Variants in DIAPH3 observed in about 807,000 individuals in gnomAD.
DIAPH3 encodes the protein protein diaphanous homolog 3.
DIAPH3 carries 117 observed loss-of-function variants against 144.3 expected under a neutral mutation model. That is an observed-to-expected ratio of 0.81 (90% CI 0.70 to 0.95). The LOEUF (loss-of-function observed/expected upper bound fraction) is 0.95. Among genes scored for constraint, DIAPH3 ranks in the 40% least tolerant of loss-of-function variants. DIAPH3 has a pLI of 0.00. For missense variants in DIAPH3, 1,421 were observed against 1,412.7 expected, an observed-to-expected ratio of 1.01 and a Z score of -0.09; for synonymous variants, 519 against 488.9, an observed-to-expected ratio of 1.06 and a Z score of -0.81.
intron 27 of DIAPH3, among the ~76,000 whole-genome samples, chr13:59,674,009 A>G (rs1367163786): frequency 6.6e-6 from 1 of 152,194 alleles, no homozygotes; most frequent in Non-Finnish European, 1.5e-5. Context: ...GAAGCACTGA[A>G]TTTGTAGCCA....
intron 1 of DIAPH3, among the ~76,000 whole-genome samples, chr13:60,148,495 T>C (rs1420120897): frequency 6.6e-6 from 1 of 152,202 alleles, no homozygotes. Flanking sequence ...ATTTCCATCA[T>C]TTCAGAAAGC....
At chr13:59,963,313 A>T (rs1037644857) in intron 17 of DIAPH3, among the ~76,000 whole-genome samples, 2 of 152,186 alleles carry the variant, frequency 1.3e-5, no homozygotes, top group Non-Finnish European at 2.9e-5. Context: ...TCACCTAAAA[A>T]TCTAAACTGT....
chr13:60,006,878 C>G (rs980996028), intron 9 of DIAPH3, among the ~76,000 whole-genome samples: 1 of 152,158 alleles, frequency 6.6e-6, no homozygotes, highest in Non-Finnish European at 1.5e-5. Context: ...AAAAGGGGCT[C>G]TCTTACAGAG....
chr13:60,073,468 G>A (rs1437473906), intron 4 of DIAPH3, among the ~76,000 whole-genome samples: 3 of 152,116 alleles, frequency 2.0e-5, no homozygotes, highest in Non-Finnish European at 4.4e-5. Context: ...TAATTTTTTA[G>A]ATTAAAAGCA....
intron 9 of DIAPH3, among the ~76,000 whole-genome samples, chr13:60,002,385 C>T (rs1011822850): frequency 2.0e-5 from 3 of 152,162 alleles, no homozygotes; most frequent in Admixed American, 6.5e-5. Flanking sequence ...ATTCCCTATG[C>T]TCAAGGTTTC....
chr13:59,666,385 C>T lies in DIAPH3; in HGVS notation c.*199G>A, dbSNP rs978168317. 9 of 533,888 alleles carry T rather than the reference C, an allele frequency of 1.7e-5. No individual in the cohort carries two copies. The highest frequency in any genetic ancestry group is 7.9e-5 in the African/African-American group (4 of 50,504). The allele number at this position is 533,888 out of a possible 1,614,324, so 33.1% of individuals were successfully genotyped here. On this transcript the variant is annotated 3_prime_UTR_variant, in exon 28 of 28. Coordinates refer to ENST00000400324, the MANE Select transcript of DIAPH3 (RefSeq NM_001042517.2). Reference sequence around the variant, plus strand: ...AAAAAAAAAAAAAAGGATTAAAGCCCGGTACAATCTTGAATAAACCAAAAC... The same window carrying T: ...AAAAAAAAAAAAAAGGATTAAAGCCTGGTACAATCTTGAATAAACCAAAAC...
chr13:59,972,571 T>G (rs957828865), intron 15 of DIAPH3, among the ~76,000 whole-genome samples: 8 of 152,116 alleles, frequency 5.3e-5, no homozygotes, highest in Non-Finnish European at 8.8e-5. Flanking sequence ...ATAAAAGAAG[T>G]TGAGGCCACA....
At chr13:59,695,370 C>T (rs2033745702) in intron 27 of DIAPH3, 1 of 152,202 alleles carries the variant, frequency 6.6e-6, no homozygotes, top group Non-Finnish European at 1.5e-5. Flanking sequence ...AGGAATAATA[C>T]TAAATCTATA....
rs538736883 is a variant in DIAPH3, at chr13:59,950,918, G to A, written c.2074+19026C>T. 7.2e-5 allele frequency among the ~76,000 whole-genome samples: 11 copies of A among 152,098 alleles called. No individual in the cohort carries two copies. The East Asian group carries it at 7.7e-4, about 11-fold the overall frequency. The stretch of plus-strand genomic sequence containing the variant: ...AGCTTAAAGGAAATTTAAATTCTAC[G>A]ATGAAATTGAATAGTGTAGTGGAGT... On this transcript the variant is annotated intron_variant, in intron 17 of 27. Transcript: ENST00000400324.
chr13:60,086,787 A>G (rs1725948301), intron 4 of DIAPH3, among the ~76,000 whole-genome samples: 1 of 152,170 alleles, frequency 6.6e-6, no homozygotes, highest in East Asian at 1.9e-4. Context: ...ACTGTAACTG[A>G]AAGCAAGAAA....
chr13:59,803,532 T>C (rs341533), intron 25 of DIAPH3, among the ~76,000 whole-genome samples: 4,056 of 152,198 alleles, frequency 0.027, 84 homozygotes, highest in Non-Finnish European at 0.039. Context: ...ACAAAAATGC[T>C]TAACAAGAGT....
chr13:59,888,600 C>T (rs980906050), intron 20 of DIAPH3, among the ~76,000 whole-genome samples: 4 of 151,882 alleles, frequency 2.6e-5, no homozygotes, highest in Non-Finnish European at 4.4e-5. Flanking sequence ...ATTATAAACC[C>T]TGTTACGCAA....
chr13:59,989,218 C>CA (rs891360825), intron 12 of DIAPH3, among the ~76,000 whole-genome samples: 5 of 150,786 alleles, frequency 3.3e-5, no homozygotes, highest in African/African-American at 9.7e-5. Flanking sequence ...AGGTAAAAAC[C>CA]AAAAAAACAA....
intron 18 of DIAPH3, among the ~76,000 whole-genome samples, chr13:59,917,131 T>C (rs879461318): frequency 6.6e-6 from 1 of 152,204 alleles, no homozygotes; most frequent in Non-Finnish European, 1.5e-5. Context: ...TCATCTGGTA[T>C]GTGTATTTCT....
At chr13:60,142,674 A>G (rs562581714) in intron 1 of DIAPH3, among the ~76,000 whole-genome samples, 4 of 152,014 alleles carry the variant, frequency 2.6e-5, no homozygotes, top group South Asian at 4.2e-4. Flanking sequence ...AGCTCCTACC[A>G]TCAGGGACTC....
chr13:60,008,369 C>T (rs886592510), intron 9 of DIAPH3, among the ~76,000 whole-genome samples, 175 bp downstream of exon 9: 1 of 152,092 alleles, frequency 6.6e-6, no homozygotes, highest in Non-Finnish European at 1.5e-5. Context: ...GCACTCCAGC[C>T]TGGGCGACAA....
chr13:60,027,230 C>T (rs1195935307), intron 5 of DIAPH3, among the ~76,000 whole-genome samples: 10 of 152,194 alleles, frequency 6.6e-5, no homozygotes, highest in Admixed American at 5.9e-4. Context: ...ACCTACATGC[C>T]ATTCAATGGC....
chr13:59,697,715 A>T (rs968507206), intron 27 of DIAPH3, among the ~76,000 whole-genome samples: 5 of 152,102 alleles, frequency 3.3e-5, no homozygotes, highest in Non-Finnish European at 7.4e-5. Flanking sequence ...ACAGCCTGGA[A>T]TCTGAGGATG....
At chr13:59,943,044 A>G (rs952456455) in intron 17 of DIAPH3, among the ~76,000 whole-genome samples, 2 of 152,198 alleles carry the variant, frequency 1.3e-5, no homozygotes, top group Admixed American at 1.3e-4. Context: ...TGTTGCATCT[A>G]CTTTTAACTG....
Sources: gnomAD v4.1 joint callset for allele counts (sites outside exome capture counted in the v4.1 genomes callset) on GRCh38, gnomAD v4.1.1 for gene constraint, MANE v1.5 for transcripts, NCBI Gene and HGNC (gene_info 2026-07-23, HGNC 2026-07-21) for gene names.